Variants in SMIM10L3 observed in about 807,000 individuals in gnomAD.
The protein encoded by SMIM10L3 is small integral membrane protein 10 like 3, also known as salivary gland specific protein SAGSIN1.
the SMIM10L3 span, chr7:6,330,201 C>G: frequency 1.5e-6 from 1 of 654,202 alleles, no homozygotes; most frequent in South Asian, 2.1e-5. Flanking sequence ...CAAAAAAGTT[C>G]CTTCCGCATC....
At chr7:6,336,483 C>T in the SMIM10L3 span, among the ~76,000 whole-genome samples, 1 of 152,108 alleles carries the variant, frequency 6.6e-6, no homozygotes, top group Non-Finnish European at 1.5e-5. Context: ...GAGTTTGAGA[C>T]CAGCCTGGCC....
At chr7:6,341,650 A>C in the SMIM10L3 span, among the ~76,000 whole-genome samples, 7 of 149,800 alleles carry the variant, frequency 4.7e-5, no homozygotes, top group Non-Finnish European at 5.9e-5. Context: ...AGATCGCGCC[A>C]CCGCACTCTA....
the SMIM10L3 span, among the ~76,000 whole-genome samples, chr7:6,337,332 G>A: frequency 2.0e-5 from 3 of 152,192 alleles, no homozygotes; most frequent in South Asian, 6.2e-4. Flanking sequence ...ATGATGGCCA[G>A]GCTGGTCTCT....
At chr7:6,334,435 G>C in the SMIM10L3 span, among the ~76,000 whole-genome samples, 1 of 151,742 alleles carries the variant, frequency 6.6e-6, no homozygotes, top group South Asian at 2.1e-4. Context: ...ACTCGGGAGG[G>C]TGAGGCAGGA....
chr7:6,333,735 C>T, the SMIM10L3 span, among the ~76,000 whole-genome samples: 8 of 148,314 alleles, frequency 5.4e-5, no homozygotes, highest in East Asian at 6.1e-4. Flanking sequence ...AAGTGCACTT[C>T]GAAGAGATCC....
the SMIM10L3 span, among the ~76,000 whole-genome samples, chr7:6,340,270 C>T: frequency 6.6e-6 from 1 of 152,158 alleles, no homozygotes. Flanking sequence ...ATCCTAAGGG[C>T]ATCCCAGCTG....
the SMIM10L3 span, among the ~76,000 whole-genome samples, chr7:6,334,611 T>C: frequency 1.4e-5 from 2 of 145,146 alleles, no homozygotes. Flanking sequence ...GGACTACAGG[T>C]GCACACCGCC....
the SMIM10L3 span, among the ~76,000 whole-genome samples, chr7:6,345,366 C>T: frequency 7.9e-5 from 12 of 152,086 alleles, no homozygotes; most frequent in Non-Finnish European, 1.6e-4. Context: ...CCTCCCACCT[C>T]AGTCTCCCAA....
chr7:6,336,773 G>A, the SMIM10L3 span, among the ~76,000 whole-genome samples: 7 of 150,922 alleles, frequency 4.6e-5, no homozygotes, highest in Admixed American at 1.3e-4. Context: ...CCTCACCTTA[G>A]CCTCCCAAGC....
At chr7:6,342,250 G>A in the SMIM10L3 span, among the ~76,000 whole-genome samples, 1 of 150,530 alleles carries the variant, frequency 6.6e-6, no homozygotes, top group African/African-American at 2.4e-5. Flanking sequence ...CTGTCTTATA[G>A]AAACAGTGTC....
At chr7:6,348,518 G>A in the SMIM10L3 span, 1 of 412,014 alleles carries the variant, frequency 2.4e-6, no homozygotes, top group African/African-American at 2.0e-5. Context: ...TGCATCCCGC[G>A]GGCGAGGCGG....
the SMIM10L3 span, among the ~76,000 whole-genome samples, chr7:6,339,200 G>A: frequency 6.6e-6 from 1 of 152,158 alleles, no homozygotes; most frequent in Non-Finnish European, 1.5e-5. Flanking sequence ...AGGTGTGGTG[G>A]CTCACACCTG....
chr7:6,343,468 C>T, the SMIM10L3 span, among the ~76,000 whole-genome samples: 6 of 137,932 alleles, frequency 4.3e-5, no homozygotes, highest in East Asian at 2.1e-4. Flanking sequence ...AGAAACACTT[C>T]GTTCTTCCCA....
the SMIM10L3 span, among the ~76,000 whole-genome samples, chr7:6,335,084 A>G: frequency 6.7e-6 from 1 of 149,814 alleles, no homozygotes; most frequent in Admixed American, 6.7e-5. Flanking sequence ...ATTTTTTGAG[A>G]CAGAGTCTCA....
the SMIM10L3 span, chr7:6,330,296 T>A: frequency 1.3e-5 from 17 of 1,359,594 alleles, no homozygotes; most frequent in African/African-American, 2.5e-4. Context: ...CTGCACAGTT[T>A]GCATCCAGAC....
chr7:6,333,840 C>CTTTTT, the SMIM10L3 span, among the ~76,000 whole-genome samples: 1 of 96,838 alleles, frequency 1.0e-5, no homozygotes, highest in Non-Finnish European at 2.1e-5. Flanking sequence ...CTCCTGGCCT[C>CTTTTT]TTTTTTTTTT....
the SMIM10L3 span, among the ~76,000 whole-genome samples, chr7:6,337,576 A>G: frequency 6.6e-6 from 1 of 151,304 alleles, no homozygotes; most frequent in African/African-American, 2.4e-5. Flanking sequence ...TACTTTAAAT[A>G]CAGTACCATT....
the SMIM10L3 span, among the ~76,000 whole-genome samples, chr7:6,340,485 G>A: frequency 2.7e-4 from 41 of 152,230 alleles, no homozygotes; most frequent in South Asian, 1.0e-3. Flanking sequence ...GCTGAAGCAC[G>A]GAGGCCGTGC....
At chr7:6,329,744 T>C in the SMIM10L3 span, 1 of 166,226 alleles carries the variant, frequency 6.0e-6, no homozygotes, top group Non-Finnish European at 1.5e-5. Context: ...CTCGAGCTCA[T>C]TTTTGTTTAA....
Sources: gnomAD v4.1 joint callset for allele counts (sites outside exome capture counted in the v4.1 genomes callset) on GRCh38, gnomAD v4.1.1 for gene constraint, MANE v1.5 for transcripts, NCBI Gene and HGNC (gene_info 2026-07-23, HGNC 2026-07-21) for gene names.